The following ITGAV variants were observed in gnomAD, a reference collection of about 807,000 sequenced individuals.
ITGAV encodes integrin alpha-V.
A neutral mutation model predicts 143.8 loss-of-function variants in ITGAV; 76 were observed. The observed-to-expected ratio is 0.53, with a 90% CI of 0.44 to 0.64. The LOEUF is 0.64. ITGAV is among the 30% of genes least tolerant of loss of function. ITGAV has a pLI of 0.00. For synonymous variants in ITGAV, 453 were observed against 446.7 expected (o/e 1.01, Z -0.18); for missense variants, 1,193 against 1,274.7 (o/e 0.94, Z 0.98).
intron 6 of ITGAV, 64 bp downstream of exon 6, chr2:186,633,438 T>A (rs1687871167): frequency 3.4e-6 from 3 of 875,450 alleles, no homozygotes; most frequent in Non-Finnish European, 5.6e-6. Context: ...TGGCTAATTG[T>A]ATGCCTATGA....
At chr2:186,662,999 T>C (rs747511477) in intron 18 of ITGAV, among the ~76,000 whole-genome samples, 11 of 152,304 alleles carry the variant, frequency 7.2e-5, no homozygotes, top group Non-Finnish European at 1.3e-4. Flanking sequence ...TTTCCATTCT[T>C]TTCTTAATTT....
At chr2:186,611,876 G>C (rs1687225974) in intron 2 of ITGAV, among the ~76,000 whole-genome samples, 1 of 152,126 alleles carries the variant, frequency 6.6e-6, no homozygotes, top group Non-Finnish European at 1.5e-5. Context: ...TTTGAGACCA[G>C]CCTGGGCAAC....
At chr2:186,666,112 G>A (rs1393543805) in intron 21 of ITGAV, among the ~76,000 whole-genome samples, 1 of 152,174 alleles carries the variant, frequency 6.6e-6, no homozygotes, top group Non-Finnish European at 1.5e-5. Flanking sequence ...AACCCAGGAA[G>A]TACTGTTTTT....
At chr2:186,618,875 C>T (rs1403536905) in intron 2 of ITGAV, among the ~76,000 whole-genome samples, 2 of 152,026 alleles carry the variant, frequency 1.3e-5, no homozygotes, top group African/African-American at 4.8e-5. Flanking sequence ...ATGGAACTAC[C>T]ATATGATCTG....
intron 2 of ITGAV, among the ~76,000 whole-genome samples, chr2:186,621,327 C>T (rs1318853743): frequency 6.6e-6 from 1 of 152,148 alleles, no homozygotes; most frequent in Admixed American, 6.5e-5. Context: ...TCCCTAAATA[C>T]TTGAGCATGT....
At chr2:186,662,093 A>G (rs780679296) in intron 18 of ITGAV, among the ~76,000 whole-genome samples, 4 of 152,144 alleles carry the variant, frequency 2.6e-5, no homozygotes, top group South Asian at 2.1e-4. Context: ...AAATATCTCT[A>G]TATTACAGTT....
chr2:186,614,699 CTATTA>C (rs1426020616), intron 2 of ITGAV, among the ~76,000 whole-genome samples: 4 of 151,734 alleles, frequency 2.6e-5, no homozygotes, highest in South Asian at 2.1e-4. Flanking sequence ...CATTCTTGAT[CTATTA>C]TATTATTCAT....
chr2:186,634,167 A>G (rs760408200), intron 6 of ITGAV, among the ~76,000 whole-genome samples: 2 of 152,222 alleles, frequency 1.3e-5, no homozygotes, highest in Non-Finnish European at 2.9e-5. Flanking sequence ...ATTTGAACAT[A>G]TGTACAATAG....
rs1686565811 is a variant in ITGAV at position 186,590,056 on chromosome 2, A to C, written c.-283A>C. ...CCTGAGGTGCGGCGCTCACCCCGGC[A>C]GTCCCCAGCCTCAGACGCTGCGTGG... On this transcript the variant is annotated 5_prime_UTR_variant, in exon 1 of 30. Coordinates refer to ENST00000261023, the MANE Select transcript of ITGAV (RefSeq NM_002210.5). The C allele has an allele frequency of 1.7e-5, 6 of 356,024 alleles. No individual in the cohort carries two copies. The highest frequency in any genetic ancestry group is 2.0e-5 in the Non-Finnish European group (4 of 200,954). 22.1% of individuals were successfully genotyped at this position (356,024 alleles called of 1,614,324 possible).
chr2:186,626,976 A>G (rs959079197), intron 4 of ITGAV, among the ~76,000 whole-genome samples: 1 of 152,232 alleles, frequency 6.6e-6, no homozygotes, highest in Admixed American at 6.5e-5. Flanking sequence ...TTTTATAGCT[A>G]CGAAGAATGA....
chr2:186,636,063 T>C lies in ITGAV; in HGVS notation c.632-19T>C. ...TTCCATTTGAAGGTTATTTATTTTA[T>C]ATATACACCCTTTTTTAGGTCAGCT... is the stretch of plus-strand genomic sequence containing the variant. On this transcript the variant is annotated intron_variant, in intron 6 of 29. Transcript: ENST00000261023. 1 of 1,602,982 alleles carries C rather than the reference T, an allele frequency of 6.2e-7. No homozygotes were observed. Among genetic ancestry groups the C allele is most frequent in the Non-Finnish European group, 8.5e-7 (1 of 1,175,394 alleles).
At chr2:186,652,486 C>T (rs1688464084) in intron 15 of ITGAV, among the ~76,000 whole-genome samples, 2 of 151,510 alleles carry the variant, frequency 1.3e-5, no homozygotes, top group African/African-American at 2.4e-5. Context: ...AGCCATTGCA[C>T]CTGGCCTTAT....
At position 186,637,481 on chromosome 2, in the gene ITGAV, CAA is replaced by C. The variant is rs5836991; in HGVS notation, c.802+389_802+390del. Among the ~76,000 whole-genome samples the C allele has an allele frequency of 2.1e-3, 227 of 105,786 alleles. 1 individual carries two copies. Among genetic ancestry groups the C allele is most frequent in the Middle Eastern group, 4.6e-3 (1 of 218 alleles). 69.4% of individuals were successfully genotyped at this position (105,786 alleles called of 152,430 possible). ...GGGCGACAGAGCCGAGACCCTGTCT[CAA>C]AAAAAAAAAAAAAAAAGGAAAAGAA... On this transcript the variant is annotated intron_variant, in intron 8 of 29. Coordinates refer to ENST00000261023, the MANE Select transcript of ITGAV (RefSeq NM_002210.5).
intron 10 of ITGAV, among the ~76,000 whole-genome samples, chr2:186,639,409 GA>G (rs1330852886): frequency 6.6e-6 from 1 of 152,134 alleles, no homozygotes; most frequent in Non-Finnish European, 1.5e-5. Context: ...TGGCAGTCAA[GA>G]TTGATGCACA....
Position 186,668,804 on chromosome 2 carries a change from C to T in ITGAV, c.2476C>T (p.His826Tyr). 6.2e-7 allele frequency: 1 copy of T among 1,613,710 alleles called. No homozygotes were observed. The highest frequency in any genetic ancestry group is 8.5e-7 in the Non-Finnish European group (1 of 1,179,836). ...GPSSFSKAML[H>Y]LQWPYKYNNN... ...AAGTTCATTCAGCAAGGCAATGCTC[C>T]ATCTTCAGTGGCCTTACAAATATAA... The change falls in exon 25 of 30, where the codon CAT (histidine) becomes TAT (tyrosine). Residue 826 changes from histidine to tyrosine, a missense_variant. Coordinates refer to ENST00000261023, the MANE Select transcript of ITGAV (RefSeq NM_002210.5).
intron 18 of ITGAV, 31 bp downstream of exon 18, chr2:186,659,206 A>AT (rs1341465362): frequency 7.2e-7 from 1 of 1,386,414 alleles, no homozygotes; most frequent in East Asian, 2.7e-5. Flanking sequence ...CTAATGTGAT[A>AT]TTTTGTTATT....
chr2:186,675,822 A>G lies in ITGAV; in HGVS notation c.2823A>G (p.Lys941=). 6.3e-7 allele frequency: 1 copy of G among 1,595,276 alleles called. No individual in the cohort carries two copies. The highest frequency in any genetic ancestry group is 2.2e-5 in the East Asian group (1 of 44,756). ...ATCTAATTGTTATTTCCAAACAGAA[A>G]GAAAATCAGAATCATTCCTATTCTC... ...SLLWTETFMN[K]ENQNHSYSLK... The change falls in exon 28 of 30, where the codon AAA becomes AAG. Residue 941 remains lysine, a splice_region_variant and synonymous_variant. Coordinates refer to ENST00000261023, the MANE Select transcript of ITGAV (RefSeq NM_002210.5).
intron 2 of ITGAV, among the ~76,000 whole-genome samples, chr2:186,615,502 A>C (rs1449079256): frequency 6.6e-6 from 1 of 152,016 alleles, no homozygotes; most frequent in Non-Finnish European, 1.5e-5. Flanking sequence ...AACCATCCTA[A>C]TGAGTGTGAA....
chr2:186,630,328 T>A (rs1286432204), intron 4 of ITGAV, among the ~76,000 whole-genome samples: 4 of 150,994 alleles, frequency 2.6e-5, no homozygotes, highest in Admixed American at 2.6e-4. Flanking sequence ...TTTTATGAAA[T>A]CAGTGTAGTG....
Sources: gnomAD v4.1 joint callset for allele counts (sites outside exome capture counted in the v4.1 genomes callset) on GRCh38, gnomAD v4.1.1 for gene constraint, MANE v1.5 for transcripts, NCBI Gene and HGNC (gene_info 2026-07-23, HGNC 2026-07-21) for gene names.